The following CALD1 variants were observed in gnomAD, a reference collection of about 807,000 sequenced individuals.
CALD1 encodes caldesmon.
In CALD1, 33 loss-of-function variants were observed where a neutral mutation model predicts 99.9. The observed-to-expected ratio is 0.33, with a 90% confidence interval of 0.25 to 0.44. CALD1 has a LOEUF of 0.44. Ranked by LOEUF, CALD1 falls within the 20% of genes least tolerant of loss-of-function variation. The probability of loss-of-function intolerance (pLI) is 1.00; values close to 1 mark genes in which losing one functional copy is unlikely to be tolerated. For missense variants in CALD1, 861 were observed against 962.1 expected (o/e 0.89, Z 1.39); for synonymous variants, 310 against 325.0 (o/e 0.95, Z 0.50).
At chr7:134,871,175 C>T (rs1018156796) in intron 3 of CALD1, among the ~76,000 whole-genome samples, 7 of 151,916 alleles carry the variant, frequency 4.6e-5, no homozygotes, top group Non-Finnish European at 7.4e-5. Flanking sequence ...ATTGATTTTT[C>T]TTTACTACGA....
the CALD1 span, among the ~76,000 whole-genome samples, chr7:134,717,097 T>G: frequency 6.6e-6 from 1 of 152,200 alleles, no homozygotes; most frequent in African/African-American, 2.4e-5. Flanking sequence ...GAAAGTACAG[T>G]GAGTTCCGTC....
upstream of CALD1, among the ~76,000 whole-genome samples, chr7:134,743,212 G>C (rs1043997706): frequency 6.6e-6 from 1 of 152,220 alleles, no homozygotes; most frequent in African/African-American, 2.4e-5. Flanking sequence ...CCATGAAGAA[G>C]CATCTTCAAC....
chr7:134,743,011 C>T (rs6959085), upstream of CALD1, among the ~76,000 whole-genome samples: 16,735 of 152,178 alleles, frequency 0.11, 2,222 homozygotes, highest in African/African-American at 0.32. Context: ...CCCTTTACAG[C>T]AGCCTTTTAA....
intron 3 of CALD1, among the ~76,000 whole-genome samples, chr7:134,896,365 G>A (rs1802576017): frequency 6.6e-6 from 1 of 151,972 alleles, no homozygotes; most frequent in Non-Finnish European, 1.5e-5. Context: ...TCTACTTTTT[G>A]GTTCAAAGAA....
At chr7:134,891,847 A>T (rs2132511047) in intron 3 of CALD1, among the ~76,000 whole-genome samples, 1 of 151,400 alleles carries the variant, frequency 6.6e-6, no homozygotes, top group South Asian at 2.1e-4. Context: ...GACCTGTCTG[A>T]AACTTTCTGG....
At chr7:134,761,365 C>T (rs1429142564) in intron 1 of CALD1, among the ~76,000 whole-genome samples, 5 of 152,136 alleles carry the variant, frequency 3.3e-5, no homozygotes, top group South Asian at 2.1e-4. Flanking sequence ...AAAAGTTCTG[C>T]GGCTGCTGCT....
chr7:134,728,845 CTTTTT>C, the CALD1 span, among the ~76,000 whole-genome samples: 41,828 of 125,376 alleles, frequency 0.33, 6,034 homozygotes, highest in East Asian at 0.57. Context: ...TATACCTTTT[CTTTTT>C]TTTTTTTTTT....
At chr7:134,712,388 GA>G in the CALD1 span, among the ~76,000 whole-genome samples, 4 of 152,168 alleles carry the variant, frequency 2.6e-5, no homozygotes, top group Non-Finnish European at 5.9e-5. Flanking sequence ...ATGGGACCCG[GA>G]AGACAAATGC....
At chr7:134,746,357 T>A in intron 1 of CALD1, among the ~76,000 whole-genome samples, 1 of 152,324 alleles carries the variant, frequency 6.6e-6, no homozygotes, top group Non-Finnish European at 1.5e-5. Flanking sequence ...TCTGCCTTGA[T>A]CTTGGCTTGC....
the CALD1 span, among the ~76,000 whole-genome samples, chr7:134,712,835 G>A: frequency 1.8e-4 from 27 of 152,182 alleles, no homozygotes; most frequent in Non-Finnish European, 3.1e-4. Context: ...TTCGAGTGGG[G>A]TTTACATAAT....
chr7:134,725,746 G>C, the CALD1 span, among the ~76,000 whole-genome samples: 1 of 152,214 alleles, frequency 6.6e-6, no homozygotes. Context: ...ATCTTGACAT[G>C]AGAATAACAT....
At chr7:134,922,653 G>C (rs1804700923) in intron 3 of CALD1, among the ~76,000 whole-genome samples, 1 of 152,198 alleles carries the variant, frequency 6.6e-6, no homozygotes, top group Admixed American at 6.5e-5. Context: ...CCAGTGTCTT[G>C]CTACGGAAGC....
At chr7:134,837,409 C>T (rs1020923396) in intron 1 of CALD1, among the ~76,000 whole-genome samples, 1 of 151,616 alleles carries the variant, frequency 6.6e-6, no homozygotes, top group Non-Finnish European at 1.5e-5. Flanking sequence ...ATGGCATGAT[C>T]TCGGCTCACT....
At chr7:134,883,231 G>A (rs941563476) in intron 3 of CALD1, among the ~76,000 whole-genome samples, 4 of 152,166 alleles carry the variant, frequency 2.6e-5, no homozygotes, top group Admixed American at 2.0e-4. Context: ...GAAAGACTCT[G>A]AATTCTAAAA....
At chr7:134,724,216 C>T in the CALD1 span, among the ~76,000 whole-genome samples, 11 of 152,262 alleles carry the variant, frequency 7.2e-5, no homozygotes, top group African/African-American at 2.2e-4. Flanking sequence ...TATATTTCTC[C>T]GGAGGTGAGA....
intron 3 of CALD1, among the ~76,000 whole-genome samples, chr7:134,877,237 G>A (rs7795204): frequency 3.3e-5 from 5 of 152,100 alleles, no homozygotes; most frequent in Non-Finnish European, 7.4e-5. Flanking sequence ...ACCATCTGGG[G>A]TATCACTGAA....
chr7:134,851,091 T>C (rs911191581), intron 2 of CALD1, among the ~76,000 whole-genome samples: 3 of 152,198 alleles, frequency 2.0e-5, no homozygotes, highest in Non-Finnish European at 4.4e-5. Flanking sequence ...TTACTAGCAG[T>C]GTGAGAATAG....
At chr7:134,832,710 G>A (rs934377348) in intron 1 of CALD1, among the ~76,000 whole-genome samples, 12 of 152,100 alleles carry the variant, frequency 7.9e-5, no homozygotes, top group African/African-American at 2.7e-4. Flanking sequence ...AAATACACTC[G>A]CAAAACAACC....
At position 134,908,608 on chromosome 7, in the gene CALD1, G is replaced by A. The variant is rs183935335; in HGVS notation, c.72-20146G>A. On this transcript the variant is annotated intron_variant, in intron 3 of 14. Coordinates refer to ENST00000361675, the MANE Select transcript of CALD1 (RefSeq NM_033138.4). ...AGTTCTAATGTCTAGATCAGACCTC[G>A]AGCAGGATTCTGGTTTAATTGATTT... 1.8e-4 allele frequency among the ~76,000 whole-genome samples: 27 copies of A among 152,262 alleles called. No individual in the cohort carries two copies. In the East Asian group the frequency reaches 4.2e-3, roughly 24 times the overall value.
Sources: gnomAD v4.1 joint callset for allele counts (sites outside exome capture counted in the v4.1 genomes callset) on GRCh38, gnomAD v4.1.1 for gene constraint, MANE v1.5 for transcripts, NCBI Gene and HGNC (gene_info 2026-07-23, HGNC 2026-07-21) for gene names.